AASDH: variants seen among roughly 807,000 people sequenced by gnomAD.
AASDH encodes the protein beta-alanine-activating enzyme.
In AASDH, 81 loss-of-function variants were observed where a neutral mutation model predicts 102.3. That is an observed-to-expected ratio of 0.79 (90% confidence interval 0.66 to 0.95). The LOEUF is 0.95. AASDH is among the 40% of genes least tolerant of loss of function. AASDH has a pLI of 0.00. For missense variants in AASDH, 1,203 were observed against 1,266.2 expected (o/e 0.95, Z 0.76); for synonymous variants, 398 against 454.0 (o/e 0.88, Z 1.57).
chr4:56,371,497 T>G lies in AASDH; in HGVS notation c.815A>C (p.Lys272Thr). The G allele has an allele frequency of 6.2e-7, 1 of 1,612,924 alleles. No individual in the cohort carries two copies. The highest frequency in any genetic ancestry group is 8.5e-7 in the Non-Finnish European group (1 of 1,179,854). Residue 272 changes from lysine to threonine, a missense_variant, in exon 5 of 15, where the codon AAA becomes ACA. Physicochemically the swap from Lys to Thr is moderately conservative, Grantham distance 78. Coordinates refer to ENST00000205214, the MANE Select transcript of AASDH (RefSeq NM_181806.4). ...ATGGGAAAAGAGAACGCTGGCTAAT[T>G]TTGATGGGAGCAACTTGACGGAAGT... ...VPTSVKLLPS[K>T]LASVLFSHHR...
chr4:56,371,560 A>C lies in AASDH; in HGVS notation c.752T>G (p.Leu251Arg). The C allele has an allele frequency of 6.2e-7, 1 of 1,613,600 alleles. No individual in the cohort carries two copies. The highest frequency in any genetic ancestry group is 8.5e-7 in the Non-Finnish European group (1 of 1,179,936). Residue 251 changes from leucine to arginine, a missense_variant, in exon 5 of 15, where the codon CTT becomes CGT. By Grantham distance (102) the Leu-to-Arg change is moderately radical (BLOSUM62 -2). Transcript: ENST00000205214. Reference protein sequence around the residue: ...TFDPSVVEIFLALSSGASLLI... With the variant: ...TFDPSVVEIFRALSSGASLLI... ...CAGAGAGGCACCACTTGATAGAGCA[A>C]GAAATATTTCCACAACAGAAGGATC... is the stretch of plus-strand genomic sequence containing the variant.
intron 5 of AASDH, among the ~76,000 whole-genome samples, chr4:56,365,155 A>G (rs1750830765): frequency 6.6e-6 from 1 of 152,210 alleles, no homozygotes; most frequent in Non-Finnish European, 1.5e-5. Context: ...GATCAATTCA[A>G]CAAGAAGAGC....
intron 3 of AASDH, among the ~76,000 whole-genome samples, 185 bp from the exon 4 acceptor site, chr4:56,378,649 A>G (rs1406620651): frequency 6.6e-6 from 1 of 152,186 alleles, no homozygotes; most frequent in Non-Finnish European, 1.5e-5. Context: ...GTATTTGCAT[A>G]TAAACCATGC....
chr4:56,383,141 C>G (rs1195101488), intron 2 of AASDH, among the ~76,000 whole-genome samples: 2 of 150,028 alleles, frequency 1.3e-5, no homozygotes, highest in Non-Finnish European at 3.0e-5. Flanking sequence ...ATTCTTATCA[C>G]TTAATATAGA....
At chr4:56,348,211 G>C (rs2109866827) in intron 11 of AASDH, among the ~76,000 whole-genome samples, 1 of 150,788 alleles carries the variant, frequency 6.6e-6, no homozygotes, top group South Asian at 2.1e-4. Flanking sequence ...TCAAGAGGTG[G>C]AGCCTAATTC....
In AASDH at chr4:56,343,634, A is replaced by G; in HGVS notation, c.2703T>C (p.Ser901=). 1 of 1,611,086 alleles carries G rather than the reference A, an allele frequency of 6.2e-7. No individual in the cohort carries two copies. The highest frequency in any genetic ancestry group is 8.5e-7 in the Non-Finnish European group (1 of 1,178,312). The change falls in exon 13 of 15, where the codon TCT becomes TCC. Residue 901 remains serine, a synonymous_variant. Coordinates refer to ENST00000205214, the MANE Select transcript of AASDH (RefSeq NM_181806.4). Reference sequence around the variant, plus strand: ...GATGTGGAATCAGGTTCAAACACGGAGAGGAAAAGACAGTTCCTCCACATT... The same window carrying G: ...GATGTGGAATCAGGTTCAAACACGGGGAGGAAAAGACAGTTCCTCCACATT... The part of the protein sequence containing the change: ...KSKCGGTVFS[S]PCLNLIPHHL...
At chr4:56,369,357 CTT>C (rs1474888271) in intron 5 of AASDH, among the ~76,000 whole-genome samples, 6 of 152,254 alleles carry the variant, frequency 3.9e-5, no homozygotes, top group Admixed American at 6.5e-5. Context: ...GAAATATGCT[CTT>C]TGAATTTTAC....
intron 1 of AASDH, among the ~76,000 whole-genome samples, chr4:56,387,099 G>C (rs1753658748): frequency 6.6e-6 from 1 of 152,062 alleles, no homozygotes; most frequent in Admixed American, 6.5e-5. Flanking sequence ...ATTGCTCTTC[G>C]AAACCACTCT....
Position 56,384,177 on chromosome 4 carries a change from A to G in AASDH, c.123T>C (p.Ala41=). The G allele has an allele frequency of 6.2e-7, 1 of 1,614,198 alleles. No homozygotes were observed. The highest frequency in any genetic ancestry group is 8.5e-7 in the Non-Finnish European group (1 of 1,180,028). ...VYYTYKTVVN[A]ASELSNFLLL... ...GCAGAAAATTTGATAATTCAGAAGC[A>G]GCATTAACCACAGTCTTGTAGGTGT... Residue 41 remains alanine (A), a synonymous_variant, in exon 2 of 15, where the codon GCT becomes GCC. Transcript: ENST00000205214.
chr4:56,355,069 T>C (rs890491050), intron 6 of AASDH, 113 bp downstream of exon 6: 149 of 1,286,694 alleles, frequency 1.2e-4, no homozygotes, highest in Middle Eastern at 7.8e-4. Flanking sequence ...AAATATCAGA[T>C]ACAATCGTGT....
chr4:56,363,411 G>A (rs565555122), intron 5 of AASDH, among the ~76,000 whole-genome samples: 38 of 152,306 alleles, frequency 2.5e-4, no homozygotes, highest in Non-Finnish European at 2.6e-4. Flanking sequence ...ATATGAGAAC[G>A]GGCAGACTGC....
At chr4:56,379,996 C>G (rs539709192) in intron 3 of AASDH, among the ~76,000 whole-genome samples, 9 of 152,088 alleles carry the variant, frequency 5.9e-5, no homozygotes, top group Admixed American at 2.0e-4. Flanking sequence ...TTGAAGGTGG[C>G]AATAGCATAG....
chr4:56,340,737 C>T (rs992856532), intron 14 of AASDH, among the ~76,000 whole-genome samples: 1 of 152,194 alleles, frequency 6.6e-6, no homozygotes, highest in Non-Finnish European at 1.5e-5. Context: ...AGTGAAGAGA[C>T]AGCCTGTTGA....
intron 5 of AASDH, among the ~76,000 whole-genome samples, chr4:56,364,877 T>A (rs1348434610): frequency 6.6e-6 from 1 of 152,108 alleles, no homozygotes; most frequent in African/African-American, 2.4e-5. Flanking sequence ...AATATTAACC[T>A]GAAATGTAAA....
At chr4:56,379,759 T>C (rs1752762727) in intron 3 of AASDH, among the ~76,000 whole-genome samples, 1 of 152,140 alleles carries the variant, frequency 6.6e-6, no homozygotes, top group African/African-American at 2.4e-5. Context: ...GTAGCTATTC[T>C]CCAAATAATA....
chr4:56,348,832 C>T (rs57233429), intron 11 of AASDH: 12,304 of 166,146 alleles, frequency 0.074, 645 homozygotes, highest in East Asian at 0.25. Context: ...CCAAGTCAAG[C>T]TTTCAGATGG....
At chr4:56,357,312 C>T (rs1054654647) in intron 5 of AASDH, among the ~76,000 whole-genome samples, 1 of 152,066 alleles carries the variant, frequency 6.6e-6, no homozygotes, top group African/African-American at 2.4e-5. Context: ...GCTGTGTTCT[C>T]GCATGGTAGA....
chr4:56,371,138 T>C lies in AASDH; in HGVS notation c.861+313A>G, dbSNP rs530701318. On this transcript the variant is annotated intron_variant, in intron 5 of 14. Transcript: ENST00000205214. Reference sequence around the variant, plus strand: ...CTAGTTTTTCATGAGAAACACAACATACATAGATTTTAAGACAGAAGAGGC... The same window carrying C: ...CTAGTTTTTCATGAGAAACACAACACACATAGATTTTAAGACAGAAGAGGC... Among the ~76,000 whole-genome samples the C allele has an allele frequency of 3.3e-5, 5 of 152,290 alleles. No individual in the cohort carries two copies. In the East Asian group the frequency reaches 9.6e-4, roughly 29 times the overall value.
At chr4:56,350,323 T>A (rs568418023) in intron 10 of AASDH, among the ~76,000 whole-genome samples, 6 of 152,078 alleles carry the variant, frequency 3.9e-5, no homozygotes, top group African/African-American at 1.2e-4. Context: ...GGTGCGGTGG[T>A]AGCCACCTGT....
Sources: gnomAD v4.1 joint callset for allele counts (sites outside exome capture counted in the v4.1 genomes callset) on GRCh38, gnomAD v4.1.1 for gene constraint, MANE v1.5 for transcripts, NCBI Gene and HGNC (gene_info 2026-07-23, HGNC 2026-07-21) for gene names.